Variants in KIAA0825 observed in about 807,000 individuals in gnomAD.
The protein encoded by KIAA0825 is uncharacterized protein KIAA0825.
In KIAA0825, 119 loss-of-function variants were observed where a neutral mutation model predicts 147.6. That is an observed-to-expected ratio of 0.81 (90% CI 0.69 to 0.94). The LOEUF (loss-of-function observed/expected upper bound fraction) is 0.94. KIAA0825 is among the 40% of genes least tolerant of loss of function. KIAA0825 has a pLI of 0.00. For synonymous variants in KIAA0825, 470 were observed against 518.1 expected (o/e 0.91, Z 1.26); for missense variants, 1,381 against 1,472.7 (o/e 0.94, Z 1.02).
intron 20 of KIAA0825, among the ~76,000 whole-genome samples, chr5:94,181,060 A>G (rs565369242): frequency 6.6e-6 from 1 of 152,256 alleles, no homozygotes; most frequent in South Asian, 2.1e-4. Context: ...TCTCATGGTT[A>G]TTTTACTGGG....
chr5:94,320,483 A>G (rs1780063463), intron 20 of KIAA0825, among the ~76,000 whole-genome samples: 1 of 149,632 alleles, frequency 6.7e-6, no homozygotes, highest in Non-Finnish European at 1.5e-5. Flanking sequence ...CACCCCCCTC[A>G]CCACCACCCC....
chr5:94,383,651 GT>G (rs1562441596), intron 20 of KIAA0825, among the ~76,000 whole-genome samples: 1 of 152,030 alleles, frequency 6.6e-6, no homozygotes, highest in East Asian at 1.9e-4. Flanking sequence ...ACACCTTATA[GT>G]TTTTACTGAA....
At chr5:94,604,898 G>T (rs1041639301) in intron 1 of KIAA0825, among the ~76,000 whole-genome samples, 3 of 151,848 alleles carry the variant, frequency 2.0e-5, no homozygotes, top group African/African-American at 7.3e-5. Flanking sequence ...ACCAAAATAA[G>T]GGCTGAACTG....
At chr5:94,290,285 G>GC (rs1777829588) in intron 20 of KIAA0825, among the ~76,000 whole-genome samples, 1 of 151,928 alleles carries the variant, frequency 6.6e-6, no homozygotes, top group African/African-American at 2.4e-5. Flanking sequence ...CCCTCCCCTA[G>GC]CCCCCCACCA....
At chr5:94,418,532 G>A (rs1216374862) in intron 14 of KIAA0825, among the ~76,000 whole-genome samples, 1 of 149,814 alleles carries the variant, frequency 6.7e-6, no homozygotes, top group Non-Finnish European at 1.5e-5. Context: ...ATCATCTGGA[G>A]TGGGCACATA....
chr5:94,515,439 T>G (rs1231542109), intron 5 of KIAA0825, among the ~76,000 whole-genome samples: 1 of 152,288 alleles, frequency 6.6e-6, no homozygotes, highest in East Asian at 1.9e-4. Context: ...TAAAGCCTTA[T>G]AAGCTAAATG....
chr5:94,252,487 AGT>A (rs1308231443), intron 20 of KIAA0825, among the ~76,000 whole-genome samples: 13 of 151,912 alleles, frequency 8.6e-5, no homozygotes, highest in African/African-American at 3.1e-4. Context: ...AGAGTGAGTG[AGT>A]GTATTTTAAA....
intron 20 of KIAA0825, among the ~76,000 whole-genome samples, chr5:94,287,900 A>G (rs1456923575): frequency 6.6e-6 from 1 of 152,148 alleles, no homozygotes; most frequent in Non-Finnish European, 1.5e-5. Flanking sequence ...TCCATCGGAC[A>G]TCCTTGAGGT....
intron 2 of KIAA0825, among the ~76,000 whole-genome samples, chr5:94,558,939 C>CAT (rs1414766179): frequency 6.6e-6 from 1 of 152,192 alleles, no homozygotes; most frequent in Admixed American, 6.5e-5. Flanking sequence ...ATTATTAGAT[C>CAT]ATAGCCTTTT....
At chr5:94,454,051 G>A (rs570278056) in intron 12 of KIAA0825, among the ~76,000 whole-genome samples, 4 of 152,050 alleles carry the variant, frequency 2.6e-5, no homozygotes, top group African/African-American at 4.8e-5. Context: ...TCTGATCTAC[G>A]GCTATCAACA....
At chr5:94,331,291 C>T (rs1781249627) in intron 20 of KIAA0825, among the ~76,000 whole-genome samples, 3 of 152,110 alleles carry the variant, frequency 2.0e-5, no homozygotes, top group Admixed American at 2.0e-4. Flanking sequence ...TAAAGGACTA[C>T]TCCTTTTCAT....
At chr5:94,586,417 T>G (rs1783295644) in intron 1 of KIAA0825, among the ~76,000 whole-genome samples, 1 of 152,154 alleles carries the variant, frequency 6.6e-6, no homozygotes, top group Non-Finnish European at 1.5e-5. Flanking sequence ...AACACCTCTA[T>G]GCAAATAAAC....
chr5:94,440,120 T>G lies in KIAA0825; in HGVS notation c.2359A>C (p.Thr787Pro). 1 of 1,550,234 alleles carries G rather than the reference T, an allele frequency of 6.5e-7. No individual in the cohort carries two copies. The highest frequency in any genetic ancestry group is 8.7e-7 in the Non-Finnish European group (1 of 1,146,410). ...GCTTTCAGTCCTCCAGCTGATGGAGTCCTTTCAAAATGCAAGATAAAGATG... is the reference window on the plus strand; with the variant it reads ...GCTTTCAGTCCTCCAGCTGATGGAGGCCTTTCAAAATGCAAGATAAAGATG... ...ISHFYPSLLR[T>P]PSAGGLKAEG... Residue 787 changes from threonine (T) to proline (P), a missense_variant and splice_region_variant, in exon 14 of 21, where the codon ACT becomes CCT. Coordinates refer to ENST00000682413, the MANE Select transcript of KIAA0825 (RefSeq NM_001145678.3).
intron 20 of KIAA0825, among the ~76,000 whole-genome samples, chr5:94,300,208 T>C (rs1273076408): frequency 6.6e-6 from 1 of 152,044 alleles, no homozygotes; most frequent in African/African-American, 2.4e-5. Context: ...TGCACTAAGG[T>C]TGTATAATCC....
chr5:94,263,942 G>A (rs1323487751), intron 20 of KIAA0825, among the ~76,000 whole-genome samples: 1 of 152,076 alleles, frequency 6.6e-6, no homozygotes, highest in Non-Finnish European at 1.5e-5. Flanking sequence ...CTAGTTTGAG[G>A]TTACCAGTCT....
rs567052718 is a variant in KIAA0825 at position 94,520,411 on chromosome 5, A to G, written c.807T>C (p.Ser269=). 1 of 1,612,998 alleles carries G rather than the reference A, an allele frequency of 6.2e-7. No individual in the cohort carries two copies. The highest frequency in any genetic ancestry group is 1.1e-5 in the South Asian group (1 of 91,048). The change falls in exon 5 of 21, where the codon TCT becomes TCC. Residue 269 remains serine (S), a synonymous_variant. Coordinates refer to ENST00000682413, the MANE Select transcript of KIAA0825 (RefSeq NM_001145678.3). ...FNTLCEILAP[S]SMVKFIKETY... ...TTTCTTTAATGAATTTCACCATTGA[A>G]GATGGAGCTAAAATTTCACATAGTG...
chr5:94,248,970 C>T (rs1034959736), intron 20 of KIAA0825, among the ~76,000 whole-genome samples: 1 of 151,964 alleles, frequency 6.6e-6, no homozygotes, highest in African/African-American at 2.4e-5. Context: ...TAAATGGTCA[C>T]ACAGATTTGG....
At chr5:94,559,734 T>C (rs1246501321) in intron 2 of KIAA0825, among the ~76,000 whole-genome samples, 1 of 152,214 alleles carries the variant, frequency 6.6e-6, no homozygotes, top group Non-Finnish European at 1.5e-5. Flanking sequence ...TCTATAATTA[T>C]AGTCCTTCCT....
chr5:94,205,371 G>A lies in KIAA0825; in HGVS notation c.3711-51247C>T, dbSNP rs915440182. Among the ~76,000 whole-genome samples the A allele has an allele frequency of 7.4e-5, 11 of 147,712 alleles. No individual in the cohort carries two copies. In the East Asian group the frequency reaches 1.8e-3, roughly 24 times the overall value. ...GGATGGAGTGTTGTGGCGTGATCTC[G>A]GCTCACTGCAACCTCCGCCTCCTGG... On this transcript the variant is annotated intron_variant, in intron 20 of 20. Transcript: ENST00000682413.
Sources: allele counts gnomAD v4.1 joint callset (sites outside exome capture counted in the v4.1 genomes callset), GRCh38; gene constraint gnomAD v4.1.1; transcripts MANE v1.5; gene names NCBI Gene and HGNC (gene_info 2026-07-23, HGNC 2026-07-21).